The following SYT1 variants were observed in gnomAD, a reference collection of about 807,000 sequenced individuals.
The protein encoded by SYT1 is synaptotagmin-1.
A neutral mutation model predicts 44.8 loss-of-function variants in SYT1; 8 were observed. The observed-to-expected ratio is 0.18, with a 90% CI of 0.10 to 0.32. SYT1 has a LOEUF of 0.32. Ranked by LOEUF, SYT1 falls within the 10% of genes least tolerant of loss-of-function variation. SYT1 has a pLI of 1.00. For synonymous variants in SYT1, 154 were observed against 188.8 expected, an observed-to-expected ratio of 0.82 and a Z score of 1.51; for missense variants, 286 against 509.3, an observed-to-expected ratio of 0.56 and a Z score of 4.22.
At chr12:79,179,340 C>T (rs541745565) in intron 3 of SYT1, among the ~76,000 whole-genome samples, 3 of 10,838 alleles carry the variant, frequency 2.8e-4, no homozygotes, top group Non-Finnish European at 5.2e-4. Flanking sequence ...ATAGATATAT[C>T]GATATGTCTA....
At chr12:79,224,882 C>T (rs926448189) in intron 4 of SYT1, among the ~76,000 whole-genome samples, 6 of 151,434 alleles carry the variant, frequency 4.0e-5, no homozygotes, top group African/African-American at 7.3e-5. Flanking sequence ...TGGGTTCAAG[C>T]GATTCTTCTG....
chr12:79,077,764 G>A (rs1240797368), intron 3 of SYT1, among the ~76,000 whole-genome samples: 1 of 152,090 alleles, frequency 6.6e-6, no homozygotes, highest in African/African-American at 2.4e-5. Context: ...ACTATGAAAA[G>A]CTGATTAAAA....
At chr12:78,943,788 C>A (rs1878510818) in intron 1 of SYT1, among the ~76,000 whole-genome samples, 1 of 152,166 alleles carries the variant, frequency 6.6e-6, no homozygotes, top group Non-Finnish European at 1.5e-5. Context: ...CTTTGCAAAA[C>A]TTCTCAACTA....
At chr12:78,897,500 T>A (rs1300545140) in intron 1 of SYT1, among the ~76,000 whole-genome samples, 4 of 151,990 alleles carry the variant, frequency 2.6e-5, no homozygotes, top group Admixed American at 2.0e-4. Context: ...GCCTAAACAA[T>A]GACAGCCCGA....
At chr12:78,916,483 T>C (rs752503526) in intron 1 of SYT1, among the ~76,000 whole-genome samples, 14 of 152,054 alleles carry the variant, frequency 9.2e-5, no homozygotes, top group Non-Finnish European at 1.6e-4. Flanking sequence ...TCAGACTAGT[T>C]AAATTGACTT....
rs376671906 is a variant in SYT1, at chr12:79,179,532, GATAT to G, written c.-17-37969_-17-37966del. ...ATATAGATATATCTATATAGATATA[GATAT>G]AGATATAGAGATATAGATATAGATT... On this transcript the variant is annotated intron_variant, in intron 3 of 10. Transcript: ENST00000261205. Among the ~76,000 whole-genome samples, 57 of 118,784 alleles carry G rather than the reference GATAT, an allele frequency of 4.8e-4. 1 individual carries two copies. The highest frequency in any genetic ancestry group is 1.4e-3 in the African/African-American group (44 of 30,418). 77.9% of individuals were successfully genotyped at this position (118,784 alleles called of 152,430 possible). A position where few individuals can be genotyped will look rare whatever the true frequency, so the allele number is the denominator to read the frequency against.
chr12:79,053,544 A>T (rs1375288409), intron 3 of SYT1, among the ~76,000 whole-genome samples: 1 of 149,574 alleles, frequency 6.7e-6, no homozygotes, highest in Non-Finnish European at 1.5e-5. Context: ...TATATATTAT[A>T]TAAATTCTTA....
At chr12:79,091,891 T>G (rs557613586) in intron 3 of SYT1, among the ~76,000 whole-genome samples, 3 of 152,114 alleles carry the variant, frequency 2.0e-5, no homozygotes, top group East Asian at 3.9e-4. Context: ...TTGTTATACT[T>G]TGCCTAATAA....
At chr12:78,963,101 C>T (rs146453194) in intron 1 of SYT1, among the ~76,000 whole-genome samples, 54 of 152,100 alleles carry the variant, frequency 3.6e-4, no homozygotes, top group African/African-American at 1.2e-3. Context: ...GTGTAATATC[C>T]TCAAGTGTCA....
chr12:79,169,247 A>G (rs1469469475), intron 3 of SYT1, among the ~76,000 whole-genome samples: 1 of 152,052 alleles, frequency 6.6e-6, no homozygotes. Context: ...AAGAATAGTT[A>G]GCAAAGCAGC....
At chr12:79,335,715 T>C (rs1008128984) in intron 8 of SYT1, among the ~76,000 whole-genome samples, 4 of 152,208 alleles carry the variant, frequency 2.6e-5, no homozygotes. Context: ...ACACATACCC[T>C]GTGCTAAACC....
chr12:79,344,931 G>A (rs745390165), intron 8 of SYT1, among the ~76,000 whole-genome samples: 1 of 152,116 alleles, frequency 6.6e-6, no homozygotes, highest in Non-Finnish European at 1.5e-5. Context: ...ATCATAAAGT[G>A]GAAATCCATT....
chr12:79,246,865 G>A (rs999337349), intron 4 of SYT1, among the ~76,000 whole-genome samples: 4 of 152,078 alleles, frequency 2.6e-5, no homozygotes, highest in African/African-American at 9.7e-5. Flanking sequence ...TGATTTTCTG[G>A]AAAATTAAGG....
chr12:79,171,370 A>C (rs1871511886), intron 3 of SYT1, among the ~76,000 whole-genome samples: 2 of 151,962 alleles, frequency 1.3e-5, no homozygotes, highest in African/African-American at 2.4e-5. Context: ...GATTTCTTTG[A>C]GCAGTGGTTT....
intron 3 of SYT1, among the ~76,000 whole-genome samples, chr12:79,086,208 G>T (rs945242244): frequency 6.6e-6 from 1 of 152,026 alleles, no homozygotes; most frequent in Admixed American, 6.6e-5. Flanking sequence ...TTATATAAAT[G>T]TGATCAAATA....
At chr12:79,315,297 A>G (rs1014830972) in intron 8 of SYT1, among the ~76,000 whole-genome samples, 4 of 152,098 alleles carry the variant, frequency 2.6e-5, no homozygotes, top group African/African-American at 9.7e-5. Context: ...TGCAGCTTCA[A>G]ACTCCCAAAC....
At chr12:79,216,315 T>G (rs1432684565) in intron 3 of SYT1, among the ~76,000 whole-genome samples, 1 of 152,212 alleles carries the variant, frequency 6.6e-6, no homozygotes, top group Non-Finnish European at 1.5e-5. Context: ...TCGTCTACTT[T>G]CCTGTTAAGA....
intron 2 of SYT1, among the ~76,000 whole-genome samples, chr12:79,015,153 T>G (rs1032711136): frequency 2.6e-5 from 4 of 151,918 alleles, no homozygotes; most frequent in South Asian, 2.1e-4. Flanking sequence ...ATGGCACATG[T>G]ATACATATGT....
At chr12:79,442,882 A>T (rs1464385688) in intron 9 of SYT1, among the ~76,000 whole-genome samples, 1 of 152,120 alleles carries the variant, frequency 6.6e-6, no homozygotes, top group Non-Finnish European at 1.5e-5. Flanking sequence ...GGGAAGTAAA[A>T]TCCTAGATTT....
Sources: allele counts gnomAD v4.1 joint callset (sites outside exome capture counted in the v4.1 genomes callset), GRCh38; gene constraint gnomAD v4.1.1; transcripts MANE v1.5; gene names NCBI Gene and HGNC (gene_info 2026-07-23, HGNC 2026-07-21).